LARGE1: variants seen among roughly 807,000 people sequenced by gnomAD.
The protein encoded by LARGE1 is LARGE xylosyl- and glucuronyltransferase 1.
LARGE1 carries 43 observed loss-of-function variants against 87.6 expected under a neutral mutation model. That is an observed-to-expected ratio of 0.49 (90% CI 0.38 to 0.63). The LOEUF (loss-of-function observed/expected upper bound fraction) is 0.63. Ranked by LOEUF, LARGE1 falls within the 30% of genes least tolerant of loss-of-function variation. LARGE1 has a pLI of 0.00. For synonymous variants in LARGE1, 434 were observed against 394.6 expected, an observed-to-expected ratio of 1.10 and a Z score of -1.18; for missense variants, 802 against 1,000.2, an observed-to-expected ratio of 0.80 and a Z score of 2.67.
In LARGE1 at chr22:33,497,881, A is replaced by G. The variant is rs530639988; in HGVS notation, c.788-65616T>C. Among the ~76,000 whole-genome samples, 6 of 151,992 alleles carry G rather than the reference A, an allele frequency of 3.9e-5. No homozygotes were observed. The South Asian group carries it at 6.2e-4, about 16-fold the overall frequency. On this transcript the variant is annotated intron_variant, in intron 6 of 14. Coordinates refer to ENST00000397394, the MANE Select transcript of LARGE1 (RefSeq NM_133642.5). ...CAGAGTGCTTACTTTTCATTTATTT[A>G]TTTGTTTGTTTGTTTATTTTTGAGA...
At chr22:33,641,593 G>A (rs999168612) in intron 3 of LARGE1, among the ~76,000 whole-genome samples, 1 of 152,112 alleles carries the variant, frequency 6.6e-6, no homozygotes, top group Non-Finnish European at 1.5e-5. Context: ...CTGAGCTAAA[G>A]GAGCATGTTC....
intron 6 of LARGE1, among the ~76,000 whole-genome samples, chr22:33,526,030 C>T (rs2071875789): frequency 6.6e-6 from 1 of 152,042 alleles, no homozygotes; most frequent in African/African-American, 2.4e-5. Flanking sequence ...TGAAAACTGC[C>T]CAAGTATCTA....
chr22:33,476,942 G>A (rs372722418), intron 6 of LARGE1, among the ~76,000 whole-genome samples: 1 of 152,082 alleles, frequency 6.6e-6, no homozygotes, highest in Non-Finnish European at 1.5e-5. Context: ...GCGATTCTTC[G>A]GCTCGGTGAC....
intron 1 of LARGE1, among the ~76,000 whole-genome samples, chr22:33,809,683 T>C (rs375460845): frequency 2.2e-4 from 34 of 152,302 alleles, no homozygotes; most frequent in African/African-American, 7.9e-4. Flanking sequence ...TTAAATAATA[T>C]ACCTTATTTC....
chr22:33,793,725 G>A (rs754845230), intron 1 of LARGE1, among the ~76,000 whole-genome samples: 9 of 151,948 alleles, frequency 5.9e-5, no homozygotes, highest in Non-Finnish European at 1.0e-4. Context: ...CTTAAGCTAT[G>A]TGGTATGTGT....
intron 7 of LARGE1, among the ~76,000 whole-genome samples, chr22:33,404,620 T>C (rs2066033217): frequency 6.6e-6 from 1 of 152,176 alleles, no homozygotes; most frequent in Admixed American, 6.5e-5. Flanking sequence ...GAAATTGGAT[T>C]AGCGAGGTGT....
chr22:33,798,364 G>A (rs1213398903), intron 1 of LARGE1, among the ~76,000 whole-genome samples: 1 of 152,158 alleles, frequency 6.6e-6, no homozygotes, highest in Non-Finnish European at 1.5e-5. Context: ...CTGAAATAGT[G>A]AGTATAGGTA....
At chr22:33,266,579 A>G (rs931427251) in intron 11 of LARGE1, among the ~76,000 whole-genome samples, 1 of 151,700 alleles carries the variant, frequency 6.6e-6, no homozygotes, top group East Asian at 1.9e-4. Context: ...TAACATATGG[A>G]GAATACTACA....
chr22:33,257,161 C>T (rs576351247), intron 11 of LARGE1, among the ~76,000 whole-genome samples: 70 of 152,220 alleles, frequency 4.6e-4, no homozygotes, highest in Non-Finnish European at 8.4e-4. Context: ...GCTGAGATCG[C>T]ACCATTGCAC....
At chr22:33,588,518 T>C (rs1397950292) in intron 5 of LARGE1, among the ~76,000 whole-genome samples, 2 of 152,052 alleles carry the variant, frequency 1.3e-5, no homozygotes, top group Non-Finnish European at 1.5e-5. Flanking sequence ...TGCGTGTGTG[T>C]GTGTGTGTGT....
At chr22:33,446,408 G>C (rs997535629) in intron 6 of LARGE1, among the ~76,000 whole-genome samples, 1 of 152,158 alleles carries the variant, frequency 6.6e-6, no homozygotes, top group African/African-American at 2.4e-5. Context: ...TGCAGCCTGG[G>C]GCCCCACTAT....
chr22:33,906,001 G>A (rs1300988331), intron 1 of LARGE1, among the ~76,000 whole-genome samples: 4 of 152,098 alleles, frequency 2.6e-5, no homozygotes, highest in Non-Finnish European at 5.9e-5. Context: ...GTGGTGGCAG[G>A]CGCCTGTAGT....
At chr22:33,395,531 C>T (rs2065709292) in intron 7 of LARGE1, among the ~76,000 whole-genome samples, 1 of 152,174 alleles carries the variant, frequency 6.6e-6, no homozygotes, top group Admixed American at 6.5e-5. Context: ...AAGGGGAATG[C>T]CTTAAGCTTG....
At chr22:33,106,210 T>C in the LARGE1 span, among the ~76,000 whole-genome samples, 6 of 152,198 alleles carry the variant, frequency 3.9e-5, no homozygotes, top group Admixed American at 3.9e-4. Context: ...GCACCTCTGC[T>C]GTCCAGGCAT....
intron 9 of LARGE1, among the ~76,000 whole-genome samples, chr22:33,375,220 G>A (rs2064952266): frequency 6.6e-6 from 1 of 152,204 alleles, no homozygotes; most frequent in Non-Finnish European, 1.5e-5. Flanking sequence ...TCCCTAAGCT[G>A]TCTATAGTGC....
chr22:33,140,285 A>G, the LARGE1 span, among the ~76,000 whole-genome samples: 64 of 152,198 alleles, frequency 4.2e-4, no homozygotes, highest in Non-Finnish European at 8.2e-4. Context: ...AAGTGGCTCT[A>G]CCCACCCAGA....
chr22:33,553,669 C>T (rs1437629485), intron 6 of LARGE1, among the ~76,000 whole-genome samples: 1 of 152,128 alleles, frequency 6.6e-6, no homozygotes, highest in Non-Finnish European at 1.5e-5. Flanking sequence ...TATCATTCTC[C>T]CCATCTTGCC....
At chr22:33,788,470 T>C (rs146987222) in intron 1 of LARGE1, among the ~76,000 whole-genome samples, 7 of 152,328 alleles carry the variant, frequency 4.6e-5, no homozygotes, top group Admixed American at 3.3e-4. Flanking sequence ...GAAGGAACTT[T>C]GGAACTGAGT....
intron 12 of LARGE1, among the ~76,000 whole-genome samples, chr22:33,302,548 A>T (rs1032814843): frequency 6.6e-6 from 1 of 152,184 alleles, no homozygotes; most frequent in African/African-American, 2.4e-5. Context: ...GAGGGTATGC[A>T]GGCTAAACCT....
Sources: allele counts gnomAD v4.1 joint callset (sites outside exome capture counted in the v4.1 genomes callset), GRCh38; gene constraint gnomAD v4.1.1; transcripts MANE v1.5; gene names NCBI Gene and HGNC (gene_info 2026-07-23, HGNC 2026-07-21).